GNG7: variants seen among roughly 807,000 people sequenced by gnomAD.
GNG7 encodes guanine nucleotide-binding protein G(I)/G(S)/G(O) subunit gamma-7.
Under a neutral mutation model 4.0 loss-of-function variants are expected in GNG7, and 1 was observed. The observed-to-expected ratio is 0.25, with a 90% CI of 0.09 to 1.18. GNG7 has a LOEUF of 1.18. Ranked by LOEUF, GNG7 falls within the 50% of genes most tolerant of loss-of-function variation. The probability of loss-of-function intolerance (pLI) is 0.50; values close to 1 mark genes in which losing one functional copy is unlikely to be tolerated. For synonymous variants in GNG7, 34 were observed against 36.9 expected, an observed-to-expected ratio of 0.92 and a Z score of 0.29; for missense variants, 86 against 91.9, an observed-to-expected ratio of 0.94 and a Z score of 0.26.
chr19:2,659,739 C>T (rs1238638005), intron 1 of GNG7, among the ~76,000 whole-genome samples: 2 of 101,568 alleles, frequency 2.0e-5, no homozygotes, highest in African/African-American at 7.8e-5. Flanking sequence ...TGAGTGTGAG[C>T]GAGGGAGGGA....
At chr19:2,667,048 G>A (rs1024647390) in intron 1 of GNG7, among the ~76,000 whole-genome samples, 21 of 152,190 alleles carry the variant, frequency 1.4e-4, no homozygotes, top group Admixed American at 9.2e-4. Context: ...ATCCGGGCGC[G>A]GTGGCTCACG....
chr19:2,598,299 G>A (rs1453835739), intron 2 of GNG7, among the ~76,000 whole-genome samples: 2 of 152,144 alleles, frequency 1.3e-5, no homozygotes, highest in African/African-American at 4.8e-5. Flanking sequence ...CAAGGTGGGC[G>A]GATCACCTGA....
chr19:2,580,581 G>A (rs1249970995), intron 2 of GNG7, among the ~76,000 whole-genome samples: 1 of 151,784 alleles, frequency 6.6e-6, no homozygotes, highest in Admixed American at 6.6e-5. Context: ...ATGAACCACC[G>A]TGCCCAGCTC....
At chr19:2,692,054 C>T (rs968410953) in intron 1 of GNG7, among the ~76,000 whole-genome samples, 17 of 152,130 alleles carry the variant, frequency 1.1e-4, no homozygotes, top group African/African-American at 4.1e-4. Flanking sequence ...CTGCTCACAC[C>T]GTGACTTCAG....
intron 1 of GNG7, among the ~76,000 whole-genome samples, chr19:2,663,346 C>T (rs200548053): frequency 7.1e-6 from 1 of 139,990 alleles, no homozygotes. Flanking sequence ...CTCTCTCTCT[C>T]CCCCCCCTCC....
intron 1 of GNG7, among the ~76,000 whole-genome samples, chr19:2,698,429 T>C (rs1174346022): frequency 2.6e-5 from 4 of 151,828 alleles, no homozygotes; most frequent in African/African-American, 4.8e-5. Context: ...CCGGGTGCAG[T>C]GGTGTACGCC....
intron 1 of GNG7, among the ~76,000 whole-genome samples, chr19:2,668,147 G>T (rs1430939134): frequency 1.3e-5 from 2 of 151,890 alleles, no homozygotes; most frequent in Non-Finnish European, 2.9e-5. Context: ...TGGGTGGTGA[G>T]GAGATGAAAC....
chr19:2,658,825 C>T (rs928150490), intron 1 of GNG7, among the ~76,000 whole-genome samples: 1 of 152,156 alleles, frequency 6.6e-6, no homozygotes, highest in African/African-American at 2.4e-5. Flanking sequence ...GGGGGAAATG[C>T]GTACCTTTTC....
chr19:2,574,191 A>T (rs1319245541), intron 2 of GNG7, among the ~76,000 whole-genome samples: 1 of 152,188 alleles, frequency 6.6e-6, no homozygotes, highest in Non-Finnish European at 1.5e-5. Flanking sequence ...TCACGCCTTC[A>T]AACTCAACGG....
In GNG7 at chr19:2,639,509, C is replaced by T. The variant is rs1002350129; in HGVS notation, c.-78+6715G>A. Among the ~76,000 whole-genome samples the T allele has an allele frequency of 4.0e-4, 6 of 14,918 alleles. No homozygotes were observed. In the African/African-American group the frequency reaches 4.6e-3, roughly 11 times the overall value. The allele number at this position is 14,918 out of a possible 152,430, so 9.8% of individuals were successfully genotyped here. On this transcript the variant is annotated intron_variant, in intron 2 of 4. Transcript: ENST00000382159. ...CAGCTTGGCAAAGATTTCACAGCTG[C>T]GGCTGGGAGGGTGGGGAACGAGCGC...
In GNG7 at chr19:2,633,485, G is replaced by GCACACACACA. The variant is rs1294558407; in HGVS notation, c.-78+12738_-78+12739insTGTGTGTGTG. Among the ~76,000 whole-genome samples, 294 of 131,954 alleles carry GCACACACACA rather than the reference G, an allele frequency of 2.2e-3. No homozygotes were observed. The highest frequency in any genetic ancestry group is 3.7e-3 in the Middle Eastern group (1 of 268). 86.6% of individuals were successfully genotyped at this position (131,954 alleles called of 152,430 possible). ...CTTAGCAACAGGCGCGCGCGCGCGC[G>GCACACACACA]CGCACACACACACACACACACACAC... On this transcript the variant is annotated intron_variant, in intron 2 of 4. Transcript: ENST00000382159. This position sits in a 1 kb window ranked among gnomAD's most constrained non-coding sequence, Gnocchi z 5.9.
At chr19:2,630,227 C>T (rs1470120508) in intron 2 of GNG7, among the ~76,000 whole-genome samples, 2 of 152,112 alleles carry the variant, frequency 1.3e-5, no homozygotes, top group Non-Finnish European at 1.5e-5. Flanking sequence ...AACGCAGGCC[C>T]CCCCTTCCCT....
chr19:2,670,707 G>A (rs992790269), intron 1 of GNG7, among the ~76,000 whole-genome samples: 20 of 152,112 alleles, frequency 1.3e-4, no homozygotes, highest in African/African-American at 4.8e-4. Context: ...GCAGGGTACT[G>A]AGCAGCATCC....
At position 2,644,327 on chromosome 19, in the gene GNG7, TTATATATATATATATATATA is replaced by T. The variant is rs56143197; in HGVS notation, c.-78+1877_-78+1896del. On this transcript the variant is annotated intron_variant, in intron 2 of 4. Coordinates refer to ENST00000382159, the MANE Select transcript of GNG7 (RefSeq NM_052847.3). ...TGAGCCACTGCACCCGGCCTACACT[TTATATATATATATATATATA>T]TATATATATATATATATATATATAT... Among the ~76,000 whole-genome samples the T allele has an allele frequency of 8.1e-3, 926 of 114,378 alleles. 14 individuals carry two copies. The highest frequency in any genetic ancestry group is 0.022 in the South Asian group (75 of 3,426). The allele number at this position is 114,378 out of a possible 152,430, so 75.0% of individuals were successfully genotyped here. A position where few individuals can be genotyped will look rare whatever the true frequency, so the allele number is the denominator to read the frequency against.
intron 2 of GNG7, among the ~76,000 whole-genome samples, chr19:2,594,405 G>GGGAAGGAA (rs36015482): frequency 0.052 from 7,098 of 136,746 alleles, 303 homozygotes; most frequent in African/African-American, 0.11. Context: ...GAAAGAAGGA[G>GGGAAGGAA]GGAAGGAAGG....
chr19:2,642,949 C>G (rs1982549855), intron 2 of GNG7: 1 of 453,584 alleles, frequency 2.2e-6, no homozygotes, highest in Non-Finnish European at 4.4e-6. Context: ...CTCTGCACAC[C>G]TTCTGGCCCT....
intron 2 of GNG7, among the ~76,000 whole-genome samples, chr19:2,625,405 G>C (rs1049765282): frequency 1.3e-5 from 2 of 152,124 alleles, no homozygotes; most frequent in African/African-American, 4.8e-5. Context: ...CAGAAATAGA[G>C]GGGGGTCTCT....
At chr19:2,538,935 A>G in intron 3 of GNG7, 1 of 205,036 alleles carries the variant, frequency 4.9e-6, no homozygotes, top group South Asian at 6.1e-5. Context: ...TGCCCGGCTA[A>G]TTTTTTTTTG....
intron 3 of GNG7, among the ~76,000 whole-genome samples, chr19:2,543,494 G>C (rs1979028962): frequency 6.6e-6 from 1 of 152,146 alleles, no homozygotes. Flanking sequence ...CAAAGTGCTA[G>C]GATCCCGGGC....
Sources: allele counts gnomAD v4.1 joint callset (sites outside exome capture counted in the v4.1 genomes callset), GRCh38; gene constraint gnomAD v4.1.1; non-coding constraint Gnocchi (gnomAD v3.1); transcripts MANE v1.5; gene names NCBI Gene and HGNC (gene_info 2026-07-23, HGNC 2026-07-21).